The following FRAS1 variants were observed in gnomAD, a reference collection of about 807,000 sequenced individuals.
FRAS1 encodes the protein Fraser extracellular matrix complex subunit 1.
FRAS1 carries 290 observed loss-of-function variants against 435.2 expected under a neutral mutation model. The observed-to-expected ratio is 0.67, with a 90% CI of 0.61 to 0.73. The LOEUF (loss-of-function observed/expected upper bound fraction) is 0.73. FRAS1 is among the 30% of genes least tolerant of loss of function. FRAS1 has a pLI of 0.00. For synonymous variants in FRAS1, 1,800 were observed against 1,851.0 expected, an observed-to-expected ratio of 0.97 and a Z score of 0.71; for missense variants, 4,860 against 5,001.5, an observed-to-expected ratio of 0.97 and a Z score of 0.85.
chr4:78,088,897 A>G (rs1741354421), intron 2 of FRAS1, among the ~76,000 whole-genome samples: 1 of 152,196 alleles, frequency 6.6e-6, no homozygotes, highest in South Asian at 2.1e-4. Context: ...TTGAACTAGA[A>G]ATACCATTTG....
rs535767483 is a variant in FRAS1, at chr4:78,274,441, T to G, written c.982-4214T>G. Among the ~76,000 whole-genome samples the G allele has an allele frequency of 1.1e-4, 17 of 152,354 alleles. No individual in the cohort carries two copies. In the East Asian group the frequency reaches 2.9e-3, roughly 26 times the overall value. Reference sequence around the variant, plus strand: ...ATTTTAGATCTTTCCTGCTTTCTCTTGTGGGCATTTAGTGCTATAAATTTC... The same window carrying G: ...ATTTTAGATCTTTCCTGCTTTCTCTGGTGGGCATTTAGTGCTATAAATTTC... On this transcript the variant is annotated intron_variant, in intron 9 of 73. Coordinates refer to ENST00000512123, the MANE Select transcript of FRAS1 (RefSeq NM_025074.7).
chr4:78,176,314 A>G (rs1457135974), intron 2 of FRAS1, among the ~76,000 whole-genome samples: 2 of 152,200 alleles, frequency 1.3e-5, no homozygotes, highest in Non-Finnish European at 2.9e-5. Context: ...TAGAGCAGAA[A>G]TCCCTTTTAA....
At chr4:78,176,365 T>C (rs1721777718) in intron 2 of FRAS1, among the ~76,000 whole-genome samples, 1 of 152,132 alleles carries the variant, frequency 6.6e-6, no homozygotes, top group Non-Finnish European at 1.5e-5. Flanking sequence ...ATTGTGAGTA[T>C]GAGGACTCGC....
chr4:78,521,152 T>G (rs913880975), intron 67 of FRAS1, among the ~76,000 whole-genome samples: 9 of 152,220 alleles, frequency 5.9e-5, no homozygotes, highest in Non-Finnish European at 2.9e-5. Context: ...GAAAGGTATC[T>G]TGGCGAGGAA....
intron 2 of FRAS1, among the ~76,000 whole-genome samples, chr4:78,090,285 G>A (rs1741447729): frequency 6.6e-6 from 1 of 152,174 alleles, no homozygotes; most frequent in Non-Finnish European, 1.5e-5. Context: ...ACATGGTGTA[G>A]AGAAAATTTT....
intron 15 of FRAS1, among the ~76,000 whole-genome samples, chr4:78,314,812 C>T (rs755490511): frequency 5.3e-5 from 8 of 152,198 alleles, no homozygotes; most frequent in Non-Finnish European, 8.8e-5. Flanking sequence ...CAATGCTCAA[C>T]GGTTGCTCCT....
intron 1 of FRAS1, among the ~76,000 whole-genome samples, chr4:78,060,353 A>G (rs1739702225): frequency 6.6e-6 from 1 of 152,246 alleles, no homozygotes; most frequent in African/African-American, 2.4e-5. Flanking sequence ...TTTTAAAAAT[A>G]GAAAAGAGAC....
intron 2 of FRAS1, among the ~76,000 whole-genome samples, chr4:78,205,671 T>C (rs1378955857): frequency 6.6e-6 from 1 of 152,226 alleles, no homozygotes; most frequent in East Asian, 1.9e-4. Context: ...CCCAGTGGCC[T>C]GGAGAACTGG....
intron 33 of FRAS1, among the ~76,000 whole-genome samples, chr4:78,421,414 T>G (rs534105880): frequency 3.3e-5 from 5 of 152,210 alleles, no homozygotes; most frequent in African/African-American, 1.2e-4. Context: ...TCCCAAAGTG[T>G]TGGGATTATG....
chr4:78,242,374 C>T (rs962708652), intron 3 of FRAS1, among the ~76,000 whole-genome samples: 1 of 152,146 alleles, frequency 6.6e-6, no homozygotes, highest in African/African-American at 2.4e-5. Flanking sequence ...TTATTCAGAC[C>T]TGCTGTGGTA....
chr4:78,291,032 C>T (rs1294949468), intron 14 of FRAS1, among the ~76,000 whole-genome samples: 1 of 152,184 alleles, frequency 6.6e-6, no homozygotes, highest in Non-Finnish European at 1.5e-5. Flanking sequence ...TCCCAAAGTG[C>T]TGGGATTACA....
Position 78,450,271 on chromosome 4 carries a change from A to G in FRAS1, c.6395A>G (p.His2132Arg). Reference protein sequence around the residue: ...PGAGRLQMMKHGNLEQISIKG... With the variant: ...PGAGRLQMMKRGNLEQISIKG... The stretch of plus-strand genomic sequence containing the variant: ...GCAGGGCGCCTGCAGATGATGAAGC[A>G]TGGCAACCTGGAGCAAATTTCTATT... The change falls in exon 45 of 74, where the codon CAT becomes CGT. Residue 2132 changes from histidine (H) to arginine (R), a missense_variant. By Grantham distance (29) the His-to-Arg change is conservative. Coordinates refer to ENST00000512123, the MANE Select transcript of FRAS1 (RefSeq NM_025074.7). 2 of 1,613,936 alleles carry G rather than the reference A, an allele frequency of 1.2e-6. No individual in the cohort carries two copies. The highest frequency in any genetic ancestry group is 1.7e-6 in the Non-Finnish European group (2 of 1,179,828).
intron 6 of FRAS1, among the ~76,000 whole-genome samples, chr4:78,257,311 G>C (rs1485906748): frequency 1.3e-5 from 2 of 152,032 alleles, no homozygotes; most frequent in African/African-American, 4.8e-5. Context: ...TATAATACTG[G>C]CTGGTGCAAA....
chr4:78,370,704 G>A (rs531490031), intron 23 of FRAS1, among the ~76,000 whole-genome samples: 228 of 152,338 alleles, frequency 1.5e-3, no homozygotes, highest in Non-Finnish European at 2.6e-3. Flanking sequence ...AATGAGTGAA[G>A]ACGTAGTCCC....
At chr4:78,254,134 C>T (rs2124145) in intron 5 of FRAS1, among the ~76,000 whole-genome samples, 139,047 of 152,080 alleles carry the variant, frequency 0.91, 64,696 homozygotes, top group Non-Finnish European at 1. Flanking sequence ...TCAGAATCCA[C>T]GCTTGTTCCC....
chr4:78,372,152 C>T (rs1292894248), intron 23 of FRAS1, among the ~76,000 whole-genome samples: 2 of 152,138 alleles, frequency 1.3e-5, no homozygotes, highest in Non-Finnish European at 2.9e-5. Flanking sequence ...TTTTAGCAAC[C>T]TCTTTCTTTC....
intron 14 of FRAS1, among the ~76,000 whole-genome samples, chr4:78,294,064 G>C (rs1036250247): frequency 5.9e-5 from 9 of 152,324 alleles, no homozygotes; most frequent in African/African-American, 1.9e-4. Context: ...AGTTTGGAAG[G>C]TTCTCAGTTA....
intron 53 of FRAS1, among the ~76,000 whole-genome samples, 168 bp from the exon 54 acceptor site, chr4:78,475,270 A>G (rs1719821489): frequency 6.6e-6 from 1 of 152,214 alleles, no homozygotes; most frequent in Non-Finnish European, 1.5e-5. Flanking sequence ...CTGATTGTTC[A>G]GGTGAACTCA....
intron 30 of FRAS1, among the ~76,000 whole-genome samples, chr4:78,405,363 A>C (rs1476416252): frequency 6.6e-6 from 1 of 151,820 alleles, no homozygotes; most frequent in Non-Finnish European, 1.5e-5. Context: ...TATTGACAGC[A>C]TCTTAGGAAT....
Sources: gnomAD v4.1 joint callset for allele counts (sites outside exome capture counted in the v4.1 genomes callset) on GRCh38, gnomAD v4.1.1 for gene constraint, MANE v1.5 for transcripts, NCBI Gene and HGNC (gene_info 2026-07-23, HGNC 2026-07-21) for gene names.